Variants in ZC2HC1B observed in about 807,000 individuals in gnomAD.
ZC2HC1B encodes the protein zinc finger C2HC-type containing 1B.
ZC2HC1B carries 36 observed loss-of-function variants against 31.0 expected under a neutral mutation model. The observed-to-expected ratio is 1.16, with a 90% CI of 0.89 to 1.54. ZC2HC1B has a LOEUF of 1.54. Ranked by LOEUF, ZC2HC1B falls within the 40% of genes most tolerant of loss-of-function variation. ZC2HC1B has a pLI of 0.00. For missense variants in ZC2HC1B, 260 were observed against 268.6 expected (o/e 0.97, Z 0.22); for synonymous variants, 73 against 88.0 (o/e 0.83, Z 0.95).
intron 6 of ZC2HC1B, among the ~76,000 whole-genome samples, chr6:143,932,377 C>A (rs963232897): frequency 6.6e-6 from 1 of 152,134 alleles, no homozygotes; most frequent in Non-Finnish European, 1.5e-5. Flanking sequence ...TTGTCTTTGT[C>A]TCATTGGGTT....
chr6:143,904,154 G>C (rs759028115), intron 6 of ZC2HC1B, among the ~76,000 whole-genome samples: 1 of 152,144 alleles, frequency 6.6e-6, no homozygotes, highest in Non-Finnish European at 1.5e-5. Context: ...AAAAATGTCT[G>C]CTCAAGTCCT....
chr6:143,879,939 C>G (rs187874120), intron 1 of ZC2HC1B, among the ~76,000 whole-genome samples: 122 of 150,458 alleles, frequency 8.1e-4, no homozygotes, highest in Non-Finnish European at 1.5e-3. Flanking sequence ...ATTCTTTGGC[C>G]TCAGCCTCCT....
rs1409596745 is a variant in ZC2HC1B, at chr6:143,917,800, G to T, written c.598+14648G>T. 6.6e-6 allele frequency among the ~76,000 whole-genome samples: 1 copy of T among 152,158 alleles called. No homozygotes were observed. The highest frequency in any genetic ancestry group is 2.4e-5 in the African/African-American group (1 of 41,438). ...ATAAGGGATCCTTAATTTGTGCTTT[G>T]TATAGTAAACTAATAATTCCTACAT... On this transcript the variant is annotated intron_variant, in intron 6 of 7. Transcript: ENST00000237275. This position sits in a 1 kb window ranked among gnomAD's most constrained non-coding sequence, Gnocchi z 4.1.
intron 6 of ZC2HC1B, among the ~76,000 whole-genome samples, chr6:143,910,632 T>A (rs1777845368): frequency 6.6e-6 from 1 of 152,266 alleles, no homozygotes. Context: ...ACTTGCTTTA[T>A]GAATCTACAT....
chr6:143,877,674 T>C (rs1189004606), intron 1 of ZC2HC1B, among the ~76,000 whole-genome samples: 1 of 150,482 alleles, frequency 6.6e-6, no homozygotes, highest in Non-Finnish European at 1.5e-5. Flanking sequence ...TTCAGATCTT[T>C]GGAAATTCCT....
intron 1 of ZC2HC1B, among the ~76,000 whole-genome samples, chr6:143,867,151 T>C (rs1282668100): frequency 2.6e-5 from 4 of 152,188 alleles, no homozygotes; most frequent in Non-Finnish European, 4.4e-5. Flanking sequence ...CCCCATGATA[T>C]CTTGTTCCAA....
intron 6 of ZC2HC1B, among the ~76,000 whole-genome samples, chr6:143,930,728 C>A (rs1050157838): frequency 6.6e-6 from 1 of 152,122 alleles, no homozygotes; most frequent in Admixed American, 6.5e-5. Context: ...CCACTGTGGT[C>A]TCAGAAGATA....
Position 143,903,289 on chromosome 6 carries a change from G to A in ZC2HC1B, c.598+137G>A. ...TTTGGATGCAAAGATATTTGGGTTA[G>A]AGGTTAAAGCTTATTTGCCAAAAGG... On this transcript the variant is annotated intron_variant, in intron 6 of 7. Coordinates refer to ENST00000237275, the MANE Select transcript of ZC2HC1B (RefSeq NM_001013623.3). This position sits in a 1 kb window ranked among gnomAD's most constrained non-coding sequence, Gnocchi z 4.3. 1 of 748,216 alleles carries A rather than the reference G, an allele frequency of 1.3e-6. No individual in the cohort carries two copies. The allele number at this position is 748,216 out of a possible 1,614,324, so 46.3% of individuals were successfully genotyped here. A position where few individuals can be genotyped will look rare whatever the true frequency, so the allele number is the denominator to read the frequency against.
rs1220937754 is a variant in ZC2HC1B at position 143,870,320 on chromosome 6, G to C, written c.28+5753G>C. ...AGGCAGCTGTCCACTTTTGGGTGGT[G>C]CCTCCATATTGTGCAGAACCATCTG... On this transcript the variant is annotated intron_variant, in intron 1 of 7. Transcript: ENST00000237275. This position sits in a 1 kb window ranked among gnomAD's most constrained non-coding sequence, Gnocchi z 4.7. Among the ~76,000 whole-genome samples, 4 of 152,178 alleles carry C rather than the reference G, an allele frequency of 2.6e-5. No individual in the cohort carries two copies. The highest frequency in any genetic ancestry group is 4.4e-5 in the Non-Finnish European group (3 of 68,024).
At position 143,925,304 on chromosome 6, in the gene ZC2HC1B, C is replaced by T. The variant is rs563381861; in HGVS notation, c.599-12345C>T. Among the ~76,000 whole-genome samples the T allele has an allele frequency of 3.3e-4, 49 of 149,776 alleles. 1 individual carries two copies. In the East Asian group the frequency reaches 9.2e-3, roughly 28 times the overall value. On this transcript the variant is annotated intron_variant, in intron 6 of 7. Coordinates refer to ENST00000237275, the MANE Select transcript of ZC2HC1B (RefSeq NM_001013623.3). ...CATTCTCCTGCGTCAGCCTCCCGAG[C>T]AGCTGGGAGTATAGGCACCCGCCAC...
intron 6 of ZC2HC1B, among the ~76,000 whole-genome samples, chr6:143,930,383 T>A (rs1778104905): frequency 5.2e-5 from 1 of 19,316 alleles, no homozygotes; most frequent in Non-Finnish European, 8.4e-5. Context: ...GAGAGTTTCT[T>A]TTTTTTTTTT....
chr6:143,867,571 A>G (rs989453315), intron 1 of ZC2HC1B, among the ~76,000 whole-genome samples: 5 of 152,218 alleles, frequency 3.3e-5, no homozygotes, highest in African/African-American at 1.2e-4. Flanking sequence ...TGACCTCTCA[A>G]GATCAATGCA....
At chr6:143,889,908 C>T (rs1777576914) in intron 4 of ZC2HC1B, among the ~76,000 whole-genome samples, 1 of 152,122 alleles carries the variant, frequency 6.6e-6, no homozygotes, top group South Asian at 2.1e-4. Context: ...GAGACCATTA[C>T]AGGACCACAA....
chr6:143,920,103 AC>A (rs1416227590), intron 6 of ZC2HC1B, among the ~76,000 whole-genome samples: 2 of 152,172 alleles, frequency 1.3e-5, no homozygotes, highest in Admixed American at 6.5e-5. Context: ...AAATAAAAAA[AC>A]AATTTCTTTA....
Position 143,905,230 on chromosome 6 carries a change from C to G in ZC2HC1B, c.598+2078C>G, listed in dbSNP as rs967321502. On this transcript the variant is annotated intron_variant, in intron 6 of 7. Coordinates refer to ENST00000237275, the MANE Select transcript of ZC2HC1B (RefSeq NM_001013623.3). This position sits in a 1 kb window ranked among gnomAD's most constrained non-coding sequence, Gnocchi z 4.2. The stretch of plus-strand genomic sequence containing the variant: ...ATATATTTCTGTTTATTTATGTCCT[C>G]TTTAATTTCTTTCAGCAATGTTTTG... 3.9e-5 allele frequency among the ~76,000 whole-genome samples: 6 copies of G among 152,290 alleles called. No individual in the cohort carries two copies. The highest frequency in any genetic ancestry group is 3.4e-3 in the Middle Eastern group (1 of 294).
intron 1 of ZC2HC1B, 82 bp downstream of exon 1, chr6:143,864,649 G>C (rs867281315): frequency 6.4e-6 from 9 of 1,405,200 alleles, no homozygotes; most frequent in Middle Eastern, 3.5e-4. Context: ...AAGCTGGTAG[G>C]TATTAGCTTG....
chr6:143,893,921 C>T (rs554191526), intron 4 of ZC2HC1B, among the ~76,000 whole-genome samples: 4 of 152,200 alleles, frequency 2.6e-5, no homozygotes, highest in Admixed American at 1.3e-4. Flanking sequence ...CTCCTGACCT[C>T]GTGATCCACC....
chr6:143,897,180 T>C (rs1582961773), intron 4 of ZC2HC1B, among the ~76,000 whole-genome samples: 1 of 152,096 alleles, frequency 6.6e-6, no homozygotes, highest in African/African-American at 2.4e-5. Flanking sequence ...CTACATGAAA[T>C]ACCCATCCAC....
chr6:143,923,847 A>G lies in ZC2HC1B; in HGVS notation c.599-13802A>G, dbSNP rs1018428265. 6.6e-6 allele frequency among the ~76,000 whole-genome samples: 1 copy of G among 151,944 alleles called. No homozygotes were observed. Among genetic ancestry groups the G allele is most frequent in the African/African-American group, 2.4e-5 (1 of 41,394 alleles). On this transcript the variant is annotated intron_variant, in intron 6 of 7. Coordinates refer to ENST00000237275, the MANE Select transcript of ZC2HC1B (RefSeq NM_001013623.3). This position sits in a 1 kb window ranked among gnomAD's most constrained non-coding sequence, Gnocchi z 4.8. The stretch of plus-strand genomic sequence containing the variant: ...CCAATATCTTGCTGTTTTAGTTACT[A>G]CAGCTTTTTAATATATTTTGAAATC...
Sources: allele counts gnomAD v4.1 joint callset (sites outside exome capture counted in the v4.1 genomes callset), GRCh38; gene constraint gnomAD v4.1.1; non-coding constraint Gnocchi (gnomAD v3.1); transcripts MANE v1.5; gene names NCBI Gene and HGNC (gene_info 2026-07-23, HGNC 2026-07-21).